Variants in UGT1A7 observed in about 807,000 individuals in gnomAD.
UGT1A7 encodes the protein UDP-glucuronosyltransferase 1A7.
Under a neutral mutation model 45.6 loss-of-function variants are expected in UGT1A7, and 33 were observed. That is an observed-to-expected ratio of 0.72 (90% confidence interval 0.55 to 0.97). The LOEUF (loss-of-function observed/expected upper bound fraction) is 0.97. Among genes scored for constraint, UGT1A7 ranks in the 50% least tolerant of loss-of-function variants. The pLI is 0.00. For missense variants in UGT1A7, 684 were observed against 666.2 expected (o/e 1.03, Z -0.29); for synonymous variants, 274 against 250.6 (o/e 1.09, Z -0.88).
At chr2:233,689,487 C>A (rs770770371) in intron 1 of UGT1A7, among the ~76,000 whole-genome samples, 2 of 152,142 alleles carry the variant, frequency 1.3e-5, no homozygotes, top group Non-Finnish European at 2.9e-5. Flanking sequence ...GAAGAAATCG[C>A]AAATCAATAC....
At chr2:233,736,896 C>T (rs1212789655) in intron 1 of UGT1A7, among the ~76,000 whole-genome samples, 1 of 152,186 alleles carries the variant, frequency 6.6e-6, no homozygotes, top group Non-Finnish European at 1.5e-5. Context: ...GCTGCCTGAT[C>T]CTTCCTCTGG....
chr2:233,757,535 A>AATATATAT lies in UGT1A7; in HGVS notation c.856-9480_856-9473dup, dbSNP rs67292694. On this transcript the variant is annotated intron_variant, in intron 1 of 4. Transcript: ENST00000373426. ...CAAAGCCAAAATCTTGCCTGTAAGG[A>AATATATAT]ATATATATATATATATATATATATA... Among the ~76,000 whole-genome samples the AATATATAT allele has an allele frequency of 9.1e-3, 800 of 88,270 alleles. 30 individuals are homozygous for AATATATAT. Among genetic ancestry groups the AATATATAT allele is most frequent in the African/African-American group, 0.032 (642 of 19,900 alleles). The allele number at this position is 88,270 out of a possible 152,430, so 57.9% of individuals were successfully genotyped here.
rs747907611 is a variant in UGT1A7 at position 233,695,435 on chromosome 2, CTTT to C, written c.855+12651_855+12653del. Among the ~76,000 whole-genome samples the C allele has an allele frequency of 1.2e-4, 16 of 130,504 alleles. No individual in the cohort carries two copies. The South Asian group carries it at 1.3e-3, about 11-fold the overall frequency. 85.6% of individuals were successfully genotyped at this position (130,504 alleles called of 152,430 possible). Reference sequence around the variant, plus strand: ...TACCGCGCCCGGCCTTCTTCTTCTTCTTTTTTTTTTGATCAACGTGCTTTATTG... The same window carrying C: ...TACCGCGCCCGGCCTTCTTCTTCTTCTTTTTTTGATCAACGTGCTTTATTG... On this transcript the variant is annotated intron_variant, in intron 1 of 4. Coordinates refer to ENST00000373426, the MANE Select transcript of UGT1A7 (RefSeq NM_019077.3).
At position 233,768,260 on chromosome 2, in the gene UGT1A7, C is replaced by T; in HGVS notation, c.1116C>T (p.Ser372=). The T allele has an allele frequency of 6.2e-7, 1 of 1,614,136 alleles. No individual in the cohort carries two copies. Among genetic ancestry groups the T allele is most frequent in the Non-Finnish European group, 8.5e-7 (1 of 1,180,024 alleles). The change falls in exon 4 of 5, where the codon TCC becomes TCT. Residue 372 remains serine, a synonymous_variant. Transcript: ENST00000373426. ...MTRAFITHAG[S]HGVYESICNG... Reference sequence around the variant, plus strand: ...GTGCCTTTATCACCCATGCTGGTTCCCATGGTGTTTATGAAAGCATATGCA... The same window carrying T: ...GTGCCTTTATCACCCATGCTGGTTCTCATGGTGTTTATGAAAGCATATGCA...
chr2:233,688,176 G>A (rs1284708119), intron 1 of UGT1A7, among the ~76,000 whole-genome samples: 1 of 152,174 alleles, frequency 6.6e-6, no homozygotes, highest in Non-Finnish European at 1.5e-5. Context: ...CATGGAAATG[G>A]AAGCCTTTAT....
intron 1 of UGT1A7, chr2:233,747,614 T>A (rs1693730257): frequency 3.8e-6 from 6 of 1,574,498 alleles, no homozygotes; most frequent in Non-Finnish European, 1.7e-6. Flanking sequence ...TACTGCATAA[T>A]GAGGCCCTGA....
At chr2:233,753,157 T>C (rs1695143636) in intron 1 of UGT1A7, 2 of 152,228 alleles carry the variant, frequency 1.3e-5, no homozygotes, top group African/African-American at 2.4e-5. Context: ...TAAGTTCCCT[T>C]ATCCGGATCA....
At chr2:233,758,124 A>G (rs1696806452) in intron 1 of UGT1A7, among the ~76,000 whole-genome samples, 1 of 152,212 alleles carries the variant, frequency 6.6e-6, no homozygotes, top group South Asian at 2.1e-4. Flanking sequence ...CGTTCCATAA[A>G]TATTTGGCAG....
Position 233,709,184 on chromosome 2 carries a change from T to C in UGT1A7, c.855+26392T>C, listed in dbSNP as rs536582073. On this transcript the variant is annotated intron_variant, in intron 1 of 4. Transcript: ENST00000373426. ...CTAGGTCACATGTTCTATCCTGAGC[T>C]GGGAGTGGATCCTCACCAGAAGTAC... Among the ~76,000 whole-genome samples the C allele has an allele frequency of 5.9e-5, 9 of 152,238 alleles. No homozygotes were observed. The East Asian group carries it at 7.7e-4, about 13-fold the overall frequency.
chr2:233,767,224 C>G (rs1699341321), intron 2 of UGT1A7, 59 bp downstream of exon 2: 2 of 1,610,498 alleles, frequency 1.2e-6, no homozygotes, highest in Non-Finnish European at 1.7e-6. Context: ...TAATCCCAGA[C>G]TTCCAGCTTC....
At chr2:233,717,109 C>T (rs1330348180) in intron 1 of UGT1A7, among the ~76,000 whole-genome samples, 1 of 152,134 alleles carries the variant, frequency 6.6e-6, no homozygotes, top group East Asian at 1.9e-4. Flanking sequence ...CTAAATAAAA[C>T]ACCACTACAT....
intron 1 of UGT1A7, among the ~76,000 whole-genome samples, chr2:233,753,821 G>A (rs1406442938): frequency 6.6e-6 from 1 of 152,104 alleles, no homozygotes; most frequent in African/African-American, 2.4e-5. Flanking sequence ...ACCACGTTAG[G>A]GCTGAAGACA....
In UGT1A7 at chr2:233,682,196, G is replaced by A; in HGVS notation, c.259G>A (p.Asp87Asn). The A allele has an allele frequency of 6.2e-7, 1 of 1,614,190 alleles. No individual in the cohort carries two copies. Among genetic ancestry groups the A allele is most frequent in the Non-Finnish European group, 8.5e-7 (1 of 1,180,018 alleles). The change falls in exon 1 of 5, where the codon GAC becomes AAC. Residue 87 changes from aspartate to asparagine, a missense_variant. Coordinates refer to ENST00000373426, the MANE Select transcript of UGT1A7 (RefSeq NM_019077.3). ...AACCTCATACACTCTGGAGGATCAGGACCGGGAGTTCATGGTTTTTGCCGA... is the reference window on the plus strand; with the variant it reads ...AACCTCATACACTCTGGAGGATCAGAACCGGGAGTTCATGGTTTTTGCCGA... ...YSTSYTLEDQ[D>N]REFMVFADAR...
intron 1 of UGT1A7, among the ~76,000 whole-genome samples, chr2:233,695,121 T>TTTTATTTTC (rs2075260818): frequency 9.6e-6 from 1 of 103,914 alleles, no homozygotes. Flanking sequence ...TAACCAACCC[T>TTTTATTTTC]TTTCTTTTCT....
intron 1 of UGT1A7, chr2:233,718,661 A>C: frequency 6.5e-7 from 1 of 1,533,598 alleles, no homozygotes; most frequent in Non-Finnish European, 8.8e-7. Flanking sequence ...AAAGGCAGTT[A>C]TAGATTAATG....
rs1193999932 is a variant in UGT1A7, at chr2:233,682,408, T to C, written c.471T>C (p.Val157=). ...LDPFDACGLI[V]AKYFSLPSVV... is the part of the protein sequence containing the mutation. ...CTTTTGATGCCTGTGGCTTAATTGT[T>C]GCCAAATATTTCTCCCTCCCCTCTG... The change falls in exon 1 of 5, where the codon GTT becomes GTC. Residue 157 remains valine, a synonymous_variant. Transcript: ENST00000373426. 6.2e-7 allele frequency: 1 copy of C among 1,613,868 alleles called. No homozygotes were observed. Among genetic ancestry groups the C allele is most frequent in the African/African-American group, 1.3e-5 (1 of 74,908 alleles).
intron 1 of UGT1A7, chr2:233,755,405 C>T (rs1027033483): frequency 1.1e-4 from 37 of 334,342 alleles, no homozygotes; most frequent in Middle Eastern, 1.1e-3. Context: ...ATCTCATTGG[C>T]CGAGGCCTGT....
chr2:233,737,440 C>T (rs575360355), intron 1 of UGT1A7, among the ~76,000 whole-genome samples: 16 of 152,288 alleles, frequency 1.1e-4, no homozygotes, highest in African/African-American at 3.1e-4. Context: ...GGGAGTGTCC[C>T]GTTTTTCCAG....
intron 1 of UGT1A7, chr2:233,754,604 C>T (rs1227545131): frequency 6.9e-6 from 3 of 433,838 alleles, no homozygotes; most frequent in Non-Finnish European, 1.4e-5. Context: ...TTTAACTCAA[C>T]TCTCCATCTT....
Sources: allele counts gnomAD v4.1 joint callset (sites outside exome capture counted in the v4.1 genomes callset), GRCh38; gene constraint gnomAD v4.1.1; transcripts MANE v1.5; gene names NCBI Gene and HGNC (gene_info 2026-07-23, HGNC 2026-07-21).